DYNC1I1: variants seen among roughly 807,000 people sequenced by gnomAD.
The protein encoded by DYNC1I1 is dynein cytoplasmic 1 intermediate chain 1.
Under a neutral mutation model 86.6 loss-of-function variants are expected in DYNC1I1, and 43 were observed. The observed-to-expected ratio is 0.50, with a 90% CI of 0.39 to 0.64. The LOEUF is 0.64. Ranked by LOEUF, DYNC1I1 falls within the 30% of genes least tolerant of loss-of-function variation. The pLI is 0.00. For missense variants in DYNC1I1, 604 were observed against 788.8 expected, an observed-to-expected ratio of 0.77 and a Z score of 2.81; for synonymous variants, 262 against 283.7, an observed-to-expected ratio of 0.92 and a Z score of 0.77.
At chr7:95,942,456 G>C (rs1026537195) in intron 6 of DYNC1I1, among the ~76,000 whole-genome samples, 25 of 152,250 alleles carry the variant, frequency 1.6e-4, no homozygotes, top group Middle Eastern at 3.4e-3. Flanking sequence ...AGGAGGAACT[G>C]GTACCATTCC....
At chr7:96,001,608 T>A (rs975483941) in intron 10 of DYNC1I1, among the ~76,000 whole-genome samples, 1 of 152,188 alleles carries the variant, frequency 6.6e-6, no homozygotes, top group Non-Finnish European at 1.5e-5. Flanking sequence ...TTATACTGTG[T>A]GCGTAGCCTT....
chr7:96,045,888 A>G (rs1181874053), intron 14 of DYNC1I1, among the ~76,000 whole-genome samples: 2 of 152,150 alleles, frequency 1.3e-5, no homozygotes, highest in Non-Finnish European at 2.9e-5. Context: ...CCCACTGGGA[A>G]TGGGAAGGGG....
At chr7:95,984,705 C>A in intron 7 of DYNC1I1, 110 bp from the exon 8 acceptor site, 1 of 1,031,130 alleles carries the variant, frequency 9.7e-7, no homozygotes, top group South Asian at 2.0e-5. Flanking sequence ...TGTGTCTTGC[C>A]ACTCGTTTGA....
chr7:95,922,171 G>A (rs749016456), intron 6 of DYNC1I1, among the ~76,000 whole-genome samples: 20 of 152,042 alleles, frequency 1.3e-4, no homozygotes, highest in Admixed American at 2.0e-4. Flanking sequence ...ATGGCAAATC[G>A]CATTTTTCTT....
At chr7:95,788,996 G>A (rs1288532816) in intron 1 of DYNC1I1, among the ~76,000 whole-genome samples, 1 of 152,150 alleles carries the variant, frequency 6.6e-6, no homozygotes, top group East Asian at 1.9e-4. Flanking sequence ...AAAAGCTAAT[G>A]TATACATGCC....
At chr7:96,021,786 T>G (rs1213704097) in intron 10 of DYNC1I1, among the ~76,000 whole-genome samples, 1 of 152,194 alleles carries the variant, frequency 6.6e-6, no homozygotes, top group Non-Finnish European at 1.5e-5. Flanking sequence ...ATGAGCTGTT[T>G]CAGTTAGCGT....
intron 5 of DYNC1I1, among the ~76,000 whole-genome samples, chr7:95,838,857 T>C (rs185348486): frequency 2.0e-5 from 3 of 152,312 alleles, no homozygotes; most frequent in Admixed American, 2.0e-4. Context: ...CACTTAATTT[T>C]TGCATTAATT....
At chr7:96,033,677 GTC>G (rs1222007034) in intron 12 of DYNC1I1, among the ~76,000 whole-genome samples, 3 of 152,122 alleles carry the variant, frequency 2.0e-5, no homozygotes, top group Non-Finnish European at 4.4e-5. Context: ...ACCCTAGAAT[GTC>G]TCTCACACAA....
intron 14 of DYNC1I1, among the ~76,000 whole-genome samples, chr7:96,052,747 G>C (rs1021499464): frequency 2.0e-5 from 3 of 152,108 alleles, no homozygotes; most frequent in Non-Finnish European, 4.4e-5. Flanking sequence ...GACAGCTCTC[G>C]GGACAAAATG....
intron 14 of DYNC1I1, among the ~76,000 whole-genome samples, chr7:96,070,513 C>T (rs1010006519): frequency 2.0e-5 from 3 of 152,082 alleles, no homozygotes; most frequent in African/African-American, 7.2e-5. Flanking sequence ...CATCATTTTT[C>T]CCAACAGGAT....
intron 5 of DYNC1I1, among the ~76,000 whole-genome samples, chr7:95,844,956 T>G (rs1387556956): frequency 6.6e-6 from 1 of 152,198 alleles, no homozygotes; most frequent in East Asian, 1.9e-4. Flanking sequence ...TAGTATAATT[T>G]TGGGAAATGG....
chr7:96,096,459 T>C (rs1369823230), intron 16 of DYNC1I1, among the ~76,000 whole-genome samples: 2 of 152,122 alleles, frequency 1.3e-5, no homozygotes, highest in African/African-American at 4.8e-5. Flanking sequence ...GCGTGTAAAA[T>C]CTAAATGAAT....
chr7:95,788,447 G>T (rs1300609396), intron 1 of DYNC1I1, among the ~76,000 whole-genome samples: 1 of 152,176 alleles, frequency 6.6e-6, no homozygotes, highest in East Asian at 1.9e-4. Context: ...AAGTGGGGAA[G>T]ATCAAAAGCT....
At chr7:96,021,208 A>T (rs1328552729) in intron 10 of DYNC1I1, among the ~76,000 whole-genome samples, 4 of 152,174 alleles carry the variant, frequency 2.6e-5, no homozygotes, top group African/African-American at 9.6e-5. Context: ...AAAATAAATA[A>T]TTTGAAAATG....
chr7:95,892,182 G>A (rs2116272658), intron 6 of DYNC1I1, among the ~76,000 whole-genome samples: 1 of 151,688 alleles, frequency 6.6e-6, no homozygotes, highest in South Asian at 2.1e-4. Flanking sequence ...TGTCATCCAG[G>A]CTGGAGTGCA....
chr7:95,862,804 T>C (rs1388881353), intron 5 of DYNC1I1, among the ~76,000 whole-genome samples: 1 of 152,192 alleles, frequency 6.6e-6, no homozygotes, highest in Non-Finnish European at 1.5e-5. Flanking sequence ...CATTCCCAGT[T>C]ACTAAAACCT....
chr7:96,030,043 A>G (rs1584262892), intron 11 of DYNC1I1, among the ~76,000 whole-genome samples: 1 of 139,430 alleles, frequency 7.2e-6, no homozygotes, highest in Non-Finnish European at 1.6e-5. Flanking sequence ...GTTTTCTCTA[A>G]TCTATAGCTA....
chr7:96,059,376 A>G (rs1222713220), intron 14 of DYNC1I1, among the ~76,000 whole-genome samples: 1 of 152,312 alleles, frequency 6.6e-6, no homozygotes, highest in Middle Eastern at 3.4e-3. Flanking sequence ...TTTGTTTACA[A>G]TATGAGAGCT....
intron 9 of DYNC1I1, among the ~76,000 whole-genome samples, chr7:95,991,859 C>CTTAT (rs1213326637): frequency 6.6e-6 from 1 of 151,784 alleles, no homozygotes; most frequent in African/African-American, 2.4e-5. Flanking sequence ...AGCTTCCATG[C>CTTAT]TTATTTATTT....
Sources: allele counts gnomAD v4.1 joint callset (sites outside exome capture counted in the v4.1 genomes callset), GRCh38; gene constraint gnomAD v4.1.1; transcripts MANE v1.5; gene names NCBI Gene and HGNC (gene_info 2026-07-23, HGNC 2026-07-21).